CELF5: variants seen among roughly 807,000 people sequenced by gnomAD.
The protein encoded by CELF5 is CUG-BP and ETR-3 like factor 5.
CELF5 carries 6 observed loss-of-function variants against 54.9 expected under a neutral mutation model. The observed-to-expected ratio is 0.11, with a 90% confidence interval of 0.06 to 0.22. CELF5 has a LOEUF of 0.22. Ranked by LOEUF, CELF5 falls within the 10% of genes least tolerant of loss-of-function variation. The probability of loss-of-function intolerance (pLI) is 1.00; values close to 1 mark genes in which losing one functional copy is unlikely to be tolerated. For missense variants in CELF5, 401 were observed against 678.6 expected (o/e 0.59, Z 4.54); for synonymous variants, 271 against 290.9 (o/e 0.93, Z 0.70).
chr19:3,274,762 G>C (rs972564763), intron 3 of CELF5, among the ~76,000 whole-genome samples: 1 of 152,086 alleles, frequency 6.6e-6, no homozygotes, highest in African/African-American at 2.4e-5. Flanking sequence ...AGGAGTGTTA[G>C]GATACCTAGG....
chr19:3,277,903 T>C, intron 4 of CELF5, 128 bp from the exon 5 acceptor site: 2 of 680,018 alleles, frequency 2.9e-6, no homozygotes, highest in Non-Finnish European at 2.6e-6. Context: ...CTTTCTGTTA[T>C]CAGTTCTCTC....
intron 2 of CELF5, 47 bp downstream of exon 2, chr19:3,251,114 T>A: frequency 4.5e-5 from 60 of 1,327,270 alleles, no homozygotes; most frequent in Middle Eastern, 1.8e-4. Context: ...GGGATGGCTC[T>A]CAGCCTGGGG....
chr19:3,238,527 C>T (rs987195388), intron 1 of CELF5, among the ~76,000 whole-genome samples: 1 of 152,132 alleles, frequency 6.6e-6, no homozygotes, highest in Non-Finnish European at 1.5e-5. Flanking sequence ...GGGGAGGGTC[C>T]TTCCTGCCTC....
chr19:3,250,875 C>G (rs543793839), intron 1 of CELF5, 110 bp from the exon 2 acceptor site: 3 of 558,914 alleles, frequency 5.4e-6, no homozygotes, highest in Non-Finnish European at 9.6e-6. Context: ...ATCTATGCAT[C>G]TGTGGATGGA....
rs746421083 is a variant in CELF5 at position 3,290,313 on chromosome 19, C to T, written c.1269C>T (p.Phe423=). The T allele has an allele frequency of 3.1e-6, 5 of 1,614,026 alleles. No individual in the cohort carries two copies. In the South Asian group the frequency reaches 3.3e-5, roughly 11 times the overall value. ...DTELTQMFLP[F]GNIISSKVFM... ...AGCTGACGCAGATGTTCCTACCCTT[C>T]GGCAATATCATTTCCTCCAAGGTGT... The change falls in exon 11 of 13, where the codon TTC becomes TTT. Residue 423 remains phenylalanine (F), a synonymous_variant. Transcript: ENST00000292672.
At chr19:3,295,412 G>A (rs1330115966) in intron 12 of CELF5, 1 of 152,032 alleles carries the variant, frequency 6.6e-6, no homozygotes, top group East Asian at 1.9e-4. Context: ...TTTGAGTACG[G>A]ATCATGGGAC....
chr19:3,246,141 A>G (rs1599407004), intron 1 of CELF5, among the ~76,000 whole-genome samples: 1 of 152,082 alleles, frequency 6.6e-6, no homozygotes, highest in Non-Finnish European at 1.5e-5. Flanking sequence ...CGGCGGGTGG[A>G]TCACTTGAGA....
At chr19:3,261,876 A>T (rs2079810837) in intron 2 of CELF5, among the ~76,000 whole-genome samples, 2 of 152,088 alleles carry the variant, frequency 1.3e-5, no homozygotes, top group African/African-American at 4.8e-5. Context: ...AAGTTTGCTG[A>T]AGCCTGTTCT....
At chr19:3,263,733 C>T (rs533060834) in intron 2 of CELF5, among the ~76,000 whole-genome samples, 214 of 152,074 alleles carry the variant, frequency 1.4e-3, no homozygotes, top group African/African-American at 4.7e-3. Context: ...AGTGAAACCC[C>T]GTCTCTACTA....
chr19:3,291,037 G>A (rs1181170826), intron 11 of CELF5, among the ~76,000 whole-genome samples: 1 of 151,826 alleles, frequency 6.6e-6, no homozygotes, highest in East Asian at 1.9e-4. Context: ...GAGGTGTGAG[G>A]ACCCCTTGAA....
At chr19:3,292,078 C>G (rs1177245733) in intron 11 of CELF5, among the ~76,000 whole-genome samples, 2 of 152,132 alleles carry the variant, frequency 1.3e-5, no homozygotes, top group African/African-American at 4.8e-5. Flanking sequence ...TCCCGAGTAG[C>G]TGGGATTACA....
intron 1 of CELF5, among the ~76,000 whole-genome samples, chr19:3,233,347 C>G (rs1451002418): frequency 2.6e-5 from 4 of 152,134 alleles, no homozygotes; most frequent in Non-Finnish European, 5.9e-5. Flanking sequence ...TTGAGCGAGG[C>G]TTGAGGACAT....
chr19:3,230,201 T>C (rs1016040921), intron 1 of CELF5, among the ~76,000 whole-genome samples: 8 of 152,278 alleles, frequency 5.3e-5, no homozygotes, highest in African/African-American at 1.9e-4. Context: ...TTGGCACCTA[T>C]AGTCCAGTGG....
chr19:3,283,040 A>G (rs1012491841), intron 8 of CELF5, among the ~76,000 whole-genome samples: 2 of 152,160 alleles, frequency 1.3e-5, no homozygotes, highest in Non-Finnish European at 2.9e-5. Flanking sequence ...CATGTTGGCC[A>G]GGCTGGTCTC....
intron 9 of CELF5, among the ~76,000 whole-genome samples, chr19:3,285,415 T>G (rs2080224487): frequency 6.8e-6 from 1 of 147,268 alleles, no homozygotes; most frequent in Admixed American, 6.7e-5. Flanking sequence ...CTCTACTTCT[T>G]AAGGCCTGGC....
In CELF5 at chr19:3,275,020, T is replaced by C. The variant is rs887223818; in HGVS notation, c.395-836T>C. Among the ~76,000 whole-genome samples, 1 of 152,080 alleles carries C rather than the reference T, an allele frequency of 6.6e-6. No individual in the cohort carries two copies. The highest frequency in any genetic ancestry group is 2.4e-5 in the African/African-American group (1 of 41,398). ...TTTCGCGCGCACTCTCTCTCTGATC[T>C]GTCTCTCTCTCTCCCTGATTCTCAG... On this transcript the variant is annotated intron_variant, in intron 3 of 12. Coordinates refer to ENST00000292672, the MANE Select transcript of CELF5 (RefSeq NM_021938.4). The surrounding 1 kb of genome is among the most constrained non-coding windows in gnomAD (Gnocchi z 6.7).
intron 11 of CELF5, 48 bp from the exon 12 acceptor site, chr19:3,293,271 G>A (rs770583511): frequency 9.3e-6 from 15 of 1,609,168 alleles, no homozygotes; most frequent in East Asian, 6.7e-5. Context: ...GGAACAAGCC[G>A]AGGACACCCG....
chr19:3,226,789 T>C (rs1010818320), intron 1 of CELF5, among the ~76,000 whole-genome samples: 3 of 151,714 alleles, frequency 2.0e-5, no homozygotes, highest in African/African-American at 4.8e-5. Context: ...TTCCTTCTTA[T>C]TTTTAAATCT....
rs2080085656 is a variant in CELF5 at position 3,278,084 on chromosome 19, G to A, written c.577G>A (p.Ala193Thr). Residue 193 changes from alanine (A) to threonine (T), a missense_variant, in exon 5 of 13, where the codon GCC becomes ACC. Physicochemically the swap from Ala to Thr is moderately conservative, Grantham distance 58. This residue lies in a region of CELF5 where 87 missense variants were observed against 190.2 expected (regional missense o/e 0.46). Transcript: ENST00000292672. This position sits in a 1 kb window ranked among gnomAD's most constrained non-coding sequence, Gnocchi z 4.5. ...SHTEAQAAIHALHGSQTMPGA... is the reference protein window; with the variant it reads ...SHTEAQAAIHTLHGSQTMPGA... ...CACGGAGGCGCAGGCGGCCATCCACGCCTTGCATGGGAGCCAGACCATGCC... is the reference window on the plus strand; with the variant it reads ...CACGGAGGCGCAGGCGGCCATCCACACCTTGCATGGGAGCCAGACCATGCC... 6.2e-7 allele frequency: 1 copy of A among 1,612,510 alleles called. No homozygotes were observed. The highest frequency in any genetic ancestry group is 1.1e-5 in the South Asian group (1 of 91,072).
Sources: allele counts gnomAD v4.1 joint callset (sites outside exome capture counted in the v4.1 genomes callset), GRCh38; gene constraint gnomAD v4.1.1; regional missense constraint gnomAD v4.1.1; non-coding constraint Gnocchi (gnomAD v3.1); transcripts MANE v1.5; gene names NCBI Gene and HGNC (gene_info 2026-07-23, HGNC 2026-07-21).